Variants in CPNE5 observed in about 807,000 individuals in gnomAD.
CPNE5 encodes copine-5.
Under a neutral mutation model 81.1 loss-of-function variants are expected in CPNE5, and 42 were observed. That is an observed-to-expected ratio of 0.52 (90% confidence interval 0.40 to 0.67). CPNE5 has a LOEUF of 0.67. Ranked by LOEUF, CPNE5 falls within the 30% of genes least tolerant of loss-of-function variation. The probability of loss-of-function intolerance (pLI) is 0.00; values close to 1 mark genes in which losing one functional copy is unlikely to be tolerated. For missense variants in CPNE5, 612 were observed against 815.5 expected (o/e 0.75, Z 3.04); for synonymous variants, 313 against 321.5 (o/e 0.97, Z 0.28).
chr6:36,813,364 C>T (rs915798947), intron 3 of CPNE5, among the ~76,000 whole-genome samples: 1 of 152,182 alleles, frequency 6.6e-6, no homozygotes, highest in African/African-American at 2.4e-5. Context: ...AACTCTGCCT[C>T]TACTAAAAAT....
chr6:36,831,323 G>A (rs1772968646), intron 1 of CPNE5, among the ~76,000 whole-genome samples: 2 of 151,688 alleles, frequency 1.3e-5, no homozygotes, highest in African/African-American at 2.4e-5. Flanking sequence ...TCAAAGTGCT[G>A]GGATTACAGG....
intron 1 of CPNE5, chr6:36,827,850 T>A (rs1772638406): frequency 1.5e-6 from 1 of 674,694 alleles, no homozygotes; most frequent in African/African-American, 2.1e-5. Context: ...CAAAGAGAAA[T>A]TTTTTTTAGC....
intron 1 of CPNE5, among the ~76,000 whole-genome samples, chr6:36,828,128 G>A (rs898247231): frequency 1.3e-5 from 2 of 151,936 alleles, no homozygotes; most frequent in African/African-American, 4.8e-5. Context: ...GCCCTTGGCA[G>A]GTGCTAAAGG....
intron 3 of CPNE5, among the ~76,000 whole-genome samples, chr6:36,807,483 C>T (rs191486016): frequency 7.2e-5 from 11 of 152,346 alleles, no homozygotes; most frequent in African/African-American, 2.4e-4. Context: ...ATCCCACACT[C>T]TGGTTCTTTC....
intron 3 of CPNE5, among the ~76,000 whole-genome samples, chr6:36,821,164 A>C (rs1486075020): frequency 2.6e-5 from 4 of 151,904 alleles, no homozygotes; most frequent in African/African-American, 9.7e-5. Context: ...TGGAAGGGCC[A>C]CTAAGCCATG....
At position 36,766,639 on chromosome 6, in the gene CPNE5, G is replaced by A. The variant is rs935052802; in HGVS notation, c.738-1263C>T. Reference sequence around the variant, plus strand: ...CTGGAAAGAGTGGAAAGACCAGGACGGCCCTACGCTTGGACCTGGGCCCCT... The same window carrying A: ...CTGGAAAGAGTGGAAAGACCAGGACAGCCCTACGCTTGGACCTGGGCCCCT... On this transcript the variant is annotated intron_variant, in intron 10 of 20. Coordinates refer to ENST00000244751, the MANE Select transcript of CPNE5 (RefSeq NM_020939.2). This position sits in a 1 kb window ranked among gnomAD's most constrained non-coding sequence, Gnocchi z 4.2. Among the ~76,000 whole-genome samples the A allele has an allele frequency of 4.6e-5, 7 of 152,078 alleles. No homozygotes were observed. The highest frequency in any genetic ancestry group is 2.6e-4 in the Admixed American group (4 of 15,282).
chr6:36,792,533 C>T, intron 7 of CPNE5: 1 of 548,800 alleles, frequency 1.8e-6, no homozygotes, highest in Non-Finnish European at 3.2e-6. Context: ...CTCTGAGCCA[C>T]TCTGATGTGT....
At chr6:36,795,340 G>A (rs61696036) in intron 6 of CPNE5, among the ~76,000 whole-genome samples, 208 of 152,050 alleles carry the variant, frequency 1.4e-3, no homozygotes, top group African/African-American at 4.6e-3. Context: ...CACCATGCCC[G>A]GCTAATTTTT....
chr6:36,764,238 C>G (rs1006050077), intron 11 of CPNE5, among the ~76,000 whole-genome samples: 1 of 152,076 alleles, frequency 6.6e-6, no homozygotes, highest in Non-Finnish European at 1.5e-5. Context: ...CAAAGGAGTA[C>G]AGGAACGCCA....
intron 16 of CPNE5, 34 bp from the exon 17 acceptor site, chr6:36,745,549 G>A: frequency 1.3e-6 from 2 of 1,583,848 alleles, no homozygotes; most frequent in Non-Finnish European, 1.7e-6. Context: ...CTGAGCCCAG[G>A]AAGGAAGGAC....
chr6:36,746,354 C>G lies in CPNE5; in HGVS notation c.1200+42G>C. ...CCACCCCCAGCTTGTCACCTCACCC[C>G]CAGCCTGATCAGTCCTCTCTCCCAC... On this transcript the variant is annotated intron_variant, in intron 16 of 20. Coordinates refer to ENST00000244751, the MANE Select transcript of CPNE5 (RefSeq NM_020939.2). The surrounding 1 kb of genome is among the most constrained non-coding windows in gnomAD (Gnocchi z 4.5). 6.4e-7 allele frequency: 1 copy of G among 1,551,954 alleles called. No homozygotes were observed. The highest frequency in any genetic ancestry group is 8.7e-7 in the Non-Finnish European group (1 of 1,146,480).
rs747767268 is a variant in CPNE5, at chr6:36,742,353, C to T, written c.1697G>A (p.Arg566His). The change falls in exon 21 of 21, where the codon CGT becomes CAT. Residue 566 changes from arginine to histidine, a missense_variant. Transcript: ENST00000244751. ...GTGGGTTGGTGCTGCGGGTGGGGGA[C>T]GCGGGCGAATGCCCTGTGCCTTCAT... ...SYMKAQGIRP[R>H]PPPAAPTHSP... 1.2e-5 allele frequency: 20 copies of T among 1,613,022 alleles called. No homozygotes were observed. Among genetic ancestry groups the T allele is most frequent in the Middle Eastern group, 3.3e-4 (2 of 6,082 alleles).
At chr6:36,805,028 T>G (rs1402811119) in intron 3 of CPNE5, among the ~76,000 whole-genome samples, 1 of 152,180 alleles carries the variant, frequency 6.6e-6, no homozygotes, top group African/African-American at 2.4e-5. Flanking sequence ...ATGCTAAAAC[T>G]TGGATTTTAA....
chr6:36,838,973 C>A (rs969832727), intron 1 of CPNE5, among the ~76,000 whole-genome samples: 1 of 152,182 alleles, frequency 6.6e-6, no homozygotes, highest in Non-Finnish European at 1.5e-5. Flanking sequence ...GACCGTAGTA[C>A]AGCCTTTTAC....
intron 4 of CPNE5, among the ~76,000 whole-genome samples, chr6:36,798,830 C>G (rs1769838986): frequency 6.6e-6 from 1 of 152,132 alleles, no homozygotes; most frequent in Admixed American, 6.5e-5. Context: ...GTGGCTAAGC[C>G]ATCTTACCTT....
intron 1 of CPNE5, among the ~76,000 whole-genome samples, chr6:36,830,361 T>C (rs1455942439): frequency 1.3e-5 from 2 of 152,154 alleles, no homozygotes; most frequent in East Asian, 1.9e-4. Context: ...GGGTTTCCCA[T>C]GTCCTCCTGC....
chr6:36,744,728 G>C (rs981811255), intron 18 of CPNE5, among the ~76,000 whole-genome samples: 4 of 152,228 alleles, frequency 2.6e-5, no homozygotes, highest in African/African-American at 9.6e-5. Flanking sequence ...ATGGGTTAAT[G>C]AGGGAGTCAT....
chr6:36,764,839 T>G (rs963758577), intron 11 of CPNE5, among the ~76,000 whole-genome samples: 2 of 152,200 alleles, frequency 1.3e-5, no homozygotes, highest in South Asian at 4.1e-4. Flanking sequence ...AGCCGAGGGC[T>G]GTACGGGTAC....
intron 18 of CPNE5, among the ~76,000 whole-genome samples, chr6:36,744,832 G>A (rs549823599): frequency 1.3e-5 from 2 of 152,292 alleles, no homozygotes; most frequent in African/African-American, 4.8e-5. Flanking sequence ...CCTTCCACCC[G>A]CTAGAATCCA....
Sources: gnomAD v4.1 joint callset for allele counts (sites outside exome capture counted in the v4.1 genomes callset) on GRCh38, gnomAD v4.1.1 for gene constraint, Gnocchi (gnomAD v3.1) non-coding constraint, MANE v1.5 for transcripts, NCBI Gene and HGNC (gene_info 2026-07-23, HGNC 2026-07-21) for gene names.